The following UFM1 variants were observed in gnomAD, a reference collection of about 807,000 sequenced individuals.
The protein encoded by UFM1 is ubiquitin fold modifier 1.
A neutral mutation model predicts 15.4 loss-of-function variants in UFM1; 9 were observed. That is an observed-to-expected ratio of 0.59 (90% CI 0.35 to 1.02). The LOEUF is 1.02. Among genes scored for constraint, UFM1 ranks in the 50% least tolerant of loss-of-function variants. UFM1 has a pLI of 0.02. For synonymous variants in UFM1, 27 were observed against 36.3 expected, an observed-to-expected ratio of 0.74 and a Z score of 0.92; for missense variants, 98 against 104.7, an observed-to-expected ratio of 0.94 and a Z score of 0.28.
In UFM1 at chr13:38,350,035, C is replaced by T. The variant is rs1878748983; in HGVS notation, c.39C>T (p.Asp13=). 6.2e-7 allele frequency: 1 copy of T among 1,614,132 alleles called. No homozygotes were observed. The highest frequency in any genetic ancestry group is 1.3e-5 in the African/African-American group (1 of 74,940). Residue 13 remains aspartate, a synonymous_variant, in exon 2 of 6, where the codon GAC becomes GAT. Coordinates refer to ENST00000239878, the MANE Select transcript of UFM1 (RefSeq NM_016617.4). Reference sequence around the variant, plus strand: ...CCTTTAAGATCACGCTGACGTCGGACCCACGGCTGCCGTACAAAGTGTGAG... The same window carrying T: ...CCTTTAAGATCACGCTGACGTCGGATCCACGGCTGCCGTACAAAGTGTGAG... The part of the protein sequence containing the change: ...KVSFKITLTS[D]PRLPYKVLSV...
chr13:38,350,266 G>C lies in UFM1; in HGVS notation c.59+211G>C, dbSNP rs540254964. ...CGCTAAGTGTCAGCTTGGCAGCTTGGCCCCGTCACGAGGGTGTGGGTGTGT... is the reference window on the plus strand; with the variant it reads ...CGCTAAGTGTCAGCTTGGCAGCTTGCCCCCGTCACGAGGGTGTGGGTGTGT... On this transcript the variant is annotated intron_variant, in intron 2 of 5. Coordinates refer to ENST00000239878, the MANE Select transcript of UFM1 (RefSeq NM_016617.4). The C allele has an allele frequency of 6.1e-5, 96 of 1,564,208 alleles. 1 individual carries two copies. In the South Asian group the frequency reaches 1.0e-3, roughly 17 times the overall value.
rs773961781 is a variant in UFM1 at position 38,360,063 on chromosome 13, A to T, written c.191-648A>T. On this transcript the variant is annotated intron_variant, in intron 5 of 5. Coordinates refer to ENST00000239878, the MANE Select transcript of UFM1 (RefSeq NM_016617.4). ...CAGGCCTTGCAGTTGAAATTCAGCC[A>T]TAAAGAAAATGAAGTGATTTAAAAT... 2.3e-5 allele frequency: 9 copies of T among 397,880 alleles called. No homozygotes were observed. The Middle Eastern group carries it at 3.4e-3, about 152-fold the overall frequency. The allele number at this position is 397,880 out of a possible 1,614,324, so 24.6% of individuals were successfully genotyped here.
intron 2 of UFM1, among the ~76,000 whole-genome samples, chr13:38,351,202 C>G (rs1373974634): frequency 6.6e-6 from 1 of 152,176 alleles, no homozygotes; most frequent in Non-Finnish European, 1.5e-5. Flanking sequence ...TGTCTCTCCT[C>G]TCAGCATATT....
chr13:38,352,806 T>A (rs1297406884), intron 2 of UFM1, among the ~76,000 whole-genome samples: 1 of 152,212 alleles, frequency 6.6e-6, no homozygotes, highest in Non-Finnish European at 1.5e-5. Flanking sequence ...GTATGACATC[T>A]AGGTATATTG....
intron 5 of UFM1, chr13:38,359,978 G>C (rs1879295554): frequency 3.1e-6 from 1 of 320,798 alleles, no homozygotes; most frequent in Non-Finnish European, 6.1e-6. Flanking sequence ...TAGAGCAGTA[G>C]TTATTTTTAA....
rs1879443424 is a variant in UFM1, at chr13:38,362,311, ATTTGAAGTGTACCATTGG to A, written c.*1535_*1552del. The A allele has an allele frequency of 6.6e-6, 1 of 152,220 alleles. No homozygotes were observed. The highest frequency in any genetic ancestry group is 2.4e-5 in the African/African-American group (1 of 41,460). 9.4% of individuals were successfully genotyped at this position (152,220 alleles called of 1,614,324 possible). On this transcript the variant is annotated 3_prime_UTR_variant, in exon 6 of 6. Coordinates refer to ENST00000239878, the MANE Select transcript of UFM1 (RefSeq NM_016617.4). ...AATAAGAAGATTCAACAGAATCAGC[ATTTGAAGTGTACCATTGG>A]TAGTTGTTTATGAAATTACCAGATA... is the stretch of plus-strand genomic sequence containing the variant.
At chr13:38,354,595 A>G (rs1200705674) in intron 3 of UFM1, 5 of 231,538 alleles carry the variant, frequency 2.2e-5, no homozygotes, top group Admixed American at 5.5e-5. Flanking sequence ...TTAAAATGCA[A>G]CATTATATCA....
chr13:38,352,660 C>T (rs1878914670), intron 2 of UFM1, among the ~76,000 whole-genome samples: 1 of 152,098 alleles, frequency 6.6e-6, no homozygotes, highest in South Asian at 2.1e-4. Flanking sequence ...GTCACTGTAA[C>T]TCTCATTTTT....
intron 4 of UFM1, among the ~76,000 whole-genome samples, chr13:38,358,778 A>G (rs1879240587): frequency 6.6e-6 from 1 of 152,002 alleles, no homozygotes; most frequent in Non-Finnish European, 1.5e-5. Flanking sequence ...ATAAGGTAGA[A>G]TTTCTCACTC....
chr13:38,354,157 A>C lies in UFM1; in HGVS notation c.60-82A>C, dbSNP rs565594259. 93 of 1,305,102 alleles carry C rather than the reference A, an allele frequency of 7.1e-5. 2 individuals carry two copies. In the South Asian group the frequency reaches 1.1e-3, roughly 16 times the overall value. 80.8% of individuals were successfully genotyped at this position (1,305,102 alleles called of 1,614,324 possible). A position where few individuals can be genotyped will look rare whatever the true frequency, so the allele number is the denominator to read the frequency against. On this transcript the variant is annotated intron_variant, in intron 2 of 5. Coordinates refer to ENST00000239878, the MANE Select transcript of UFM1 (RefSeq NM_016617.4). ...AAAGACAGCTTTGTCCAGATTGGCT[A>C]CAGTAGTGGAAATAAGGAACAAAGG...
intron 1 of UFM1, 23 bp from the exon 2 acceptor site, chr13:38,349,976 C>T (rs368319157): frequency 6.2e-7 from 1 of 1,613,880 alleles, no homozygotes; most frequent in African/African-American, 1.3e-5. Flanking sequence ...CCGACCCTGA[C>T]TCTCTCCCGC....
chr13:38,358,087 AT>A lies in UFM1; in HGVS notation c.118-3del. ...TATATATATATTTTTTTTTCCTTCT[AT>A]TTAGTTTAAAGTTCCTGCTGCAACA... On this transcript the variant is annotated splice_region_variant and splice_polypyrimidine_tract_variant and intron_variant, in intron 3 of 5. Coordinates refer to ENST00000239878, the MANE Select transcript of UFM1 (RefSeq NM_016617.4). The A allele has an allele frequency of 7.6e-7, 1 of 1,317,824 alleles. No homozygotes were observed. The highest frequency in any genetic ancestry group is 1.0e-6 in the Non-Finnish European group (1 of 994,424). The allele number at this position is 1,317,824 out of a possible 1,614,324, so 81.6% of individuals were successfully genotyped here.
intron 2 of UFM1, among the ~76,000 whole-genome samples, chr13:38,353,198 T>A (rs1878939907): frequency 6.6e-6 from 1 of 152,160 alleles, no homozygotes; most frequent in Non-Finnish European, 1.5e-5. Flanking sequence ...ATAATGATTC[T>A]TATAGTCAGA....
intron 2 of UFM1, among the ~76,000 whole-genome samples, chr13:38,350,725 G>A (rs1878806713): frequency 6.6e-6 from 1 of 152,186 alleles, no homozygotes; most frequent in African/African-American, 2.4e-5. Context: ...GGTTATTGCA[G>A]TTGGAAGTAG....
At chr13:38,359,425 AT>A (rs1566034156) in intron 5 of UFM1, 92 bp downstream of exon 5, 1 of 1,403,128 alleles carries the variant, frequency 7.1e-7, no homozygotes, top group South Asian at 1.2e-5. Flanking sequence ...ACTTGACAGT[AT>A]TTTAACATAA....
In UFM1 at chr13:38,350,167, C is replaced by T. The variant is rs1878762460; in HGVS notation, c.59+112C>T. The T allele has an allele frequency of 3.1e-6, 5 of 1,614,092 alleles. No homozygotes were observed. The East Asian group carries it at 1.1e-4, about 36-fold the overall frequency. Reference sequence around the variant, plus strand: ...CCACGCAGTCTTCATCTCTTCACTTCATCTACTTTCCTGGCTCGCGCCCTT... The same window carrying T: ...CCACGCAGTCTTCATCTCTTCACTTTATCTACTTTCCTGGCTCGCGCCCTT... On this transcript the variant is annotated intron_variant, in intron 2 of 5. Transcript: ENST00000239878.
Position 38,362,903 on chromosome 13 carries a change from A to T in UFM1, c.*2125A>T, listed in dbSNP as rs1162196051. The T allele has an allele frequency of 1.3e-5, 2 of 152,236 alleles. No homozygotes were observed. The highest frequency in any genetic ancestry group is 2.4e-5 in the African/African-American group (1 of 41,462). 9.4% of individuals were successfully genotyped at this position (152,236 alleles called of 1,614,324 possible). On this transcript the variant is annotated 3_prime_UTR_variant, in exon 6 of 6. Coordinates refer to ENST00000239878, the MANE Select transcript of UFM1 (RefSeq NM_016617.4). ...TTGTTATTAAAAAAATGTGATCTGT[A>T]ATTTCTTTGTGCAGAATGATTTGAA... is the stretch of plus-strand genomic sequence containing the variant.
chr13:38,354,580 G>GT (rs1440246659), intron 3 of UFM1: 1 of 282,474 alleles, frequency 3.5e-6, no homozygotes. Context: ...ATTTTTAAAT[G>GT]TTTTTTAAAA....
Position 38,349,889 on chromosome 13 carries a change from T to A in UFM1, c.-31T>A. ...AAGTCGTGCTACCCCCGCGGAGTTG[T>A]CGTGTGTTCTGGATTCATTCCGGCA... On this transcript the variant is annotated 5_prime_UTR_variant, in exon 1 of 6. Coordinates refer to ENST00000239878, the MANE Select transcript of UFM1 (RefSeq NM_016617.4). The A allele has an allele frequency of 6.2e-7, 1 of 1,614,076 alleles. No homozygotes were observed. The highest frequency in any genetic ancestry group is 8.5e-7 in the Non-Finnish European group (1 of 1,180,020).
Sources: gnomAD v4.1 joint callset for allele counts (sites outside exome capture counted in the v4.1 genomes callset) on GRCh38, gnomAD v4.1.1 for gene constraint, MANE v1.5 for transcripts, NCBI Gene and HGNC (gene_info 2026-07-23, HGNC 2026-07-21) for gene names.